The following NAALADL2 variants were observed in gnomAD, a reference collection of about 807,000 sequenced individuals.
NAALADL2 encodes the protein inactive N-acetylated-alpha-linked acidic dipeptidase-like protein 2.
In NAALADL2, 76 loss-of-function variants were observed where a neutral mutation model predicts 87.2. That is an observed-to-expected ratio of 0.87 (90% CI 0.72 to 1.05). The LOEUF (loss-of-function observed/expected upper bound fraction) is 1.05, where lower values mean the gene tolerates loss of function less well. NAALADL2 is among the 50% of genes least tolerant of loss of function. The probability of loss-of-function intolerance (pLI) is 0.00; values close to 1 mark genes in which losing one functional copy is unlikely to be tolerated. For synonymous variants in NAALADL2, 354 were observed against 331.0 expected (o/e 1.07, Z -0.75); for missense variants, 1,089 against 945.8 (o/e 1.15, Z -1.99).
chr3:174,582,449 A>G (rs1166275867), intron 2 of NAALADL2, among the ~76,000 whole-genome samples: 1 of 152,238 alleles, frequency 6.6e-6, no homozygotes, highest in African/African-American at 2.4e-5. Context: ...ACTGCATTTA[A>G]TAGTTTGAAT....
At chr3:174,865,054 A>C (rs1311043325) in intron 1 of NAALADL2, among the ~76,000 whole-genome samples, 1 of 152,008 alleles carries the variant, frequency 6.6e-6, no homozygotes, top group African/African-American at 2.4e-5. Context: ...CTGGTGACAG[A>C]TATGTTTAAC....
chr3:174,830,842 C>A (rs1226414689), intron 3 of NAALADL2, among the ~76,000 whole-genome samples: 1 of 151,910 alleles, frequency 6.6e-6, no homozygotes, highest in South Asian at 2.1e-4. Flanking sequence ...AAGTTGGACT[C>A]CTAGGTATTT....
At chr3:175,664,960 C>A (rs1300250029) in intron 11 of NAALADL2, among the ~76,000 whole-genome samples, 1 of 151,980 alleles carries the variant, frequency 6.6e-6, no homozygotes, top group African/African-American at 2.4e-5. Context: ...TTTGATGGTC[C>A]CTTAACTTGT....
chr3:174,520,224 C>A (rs1310909633), intron 1 of NAALADL2, among the ~76,000 whole-genome samples: 1 of 152,044 alleles, frequency 6.6e-6, no homozygotes, highest in Non-Finnish European at 1.5e-5. Context: ...TCCTAAAGTT[C>A]GTATGGAATC....
intron 2 of NAALADL2, among the ~76,000 whole-genome samples, chr3:174,641,851 G>A (rs955532315): frequency 2.6e-5 from 4 of 152,236 alleles, no homozygotes; most frequent in Non-Finnish European, 5.9e-5. Context: ...CAACCTCCCG[G>A]GCTCAAGTGA....
chr3:175,338,660 C>A (rs56069890), intron 5 of NAALADL2, among the ~76,000 whole-genome samples: 1,408 of 102,000 alleles, frequency 0.014, 9 homozygotes, highest in African/African-American at 0.016. Context: ...CACACACACA[C>A]ACAAACAAAC....
intron 10 of NAALADL2, among the ~76,000 whole-genome samples, chr3:175,625,222 A>G (rs746567600): frequency 4.6e-5 from 7 of 152,024 alleles, no homozygotes; most frequent in Non-Finnish European, 1.0e-4. Flanking sequence ...TTACAGTTCT[A>G]TTTAAACTCC....
chr3:175,388,536 C>T (rs1314071462), intron 5 of NAALADL2, among the ~76,000 whole-genome samples: 1 of 151,996 alleles, frequency 6.6e-6, no homozygotes, highest in Admixed American at 6.6e-5. Flanking sequence ...AAAACACAAC[C>T]ATCTAAATAA....
At chr3:174,524,526 T>TTC (rs1720550918) in intron 1 of NAALADL2, among the ~76,000 whole-genome samples, 1 of 152,132 alleles carries the variant, frequency 6.6e-6, no homozygotes, top group Admixed American at 6.5e-5. Context: ...AGGGACCACA[T>TTC]ATATTTAGGT....
chr3:174,682,652 T>C (rs1456728283), intron 2 of NAALADL2, among the ~76,000 whole-genome samples: 1 of 152,194 alleles, frequency 6.6e-6, no homozygotes, highest in Non-Finnish European at 1.5e-5. Flanking sequence ...ACCAAGGTGG[T>C]ACTATAAGTC....
chr3:175,546,919 T>C (rs1355312175), intron 9 of NAALADL2, among the ~76,000 whole-genome samples: 1 of 151,934 alleles, frequency 6.6e-6, no homozygotes, highest in Non-Finnish European at 1.5e-5. Context: ...AAATCAAAGA[T>C]GACAGAAACA....
chr3:175,106,378 ATACTGGC>A (rs1234234530), intron 2 of NAALADL2, among the ~76,000 whole-genome samples: 2 of 152,048 alleles, frequency 1.3e-5, no homozygotes, highest in African/African-American at 4.8e-5. Context: ...ATCATCTGTG[ATACTGGC>A]TGCCTATTCT....
At chr3:174,729,631 A>C (rs190892770) in intron 2 of NAALADL2, among the ~76,000 whole-genome samples, 5 of 152,176 alleles carry the variant, frequency 3.3e-5, no homozygotes, top group African/African-American at 9.6e-5. Context: ...CTAACTATGC[A>C]AATTTTACAA....
intron 3 of NAALADL2, among the ~76,000 whole-genome samples, chr3:174,786,375 C>T (rs539304432): frequency 1.7e-4 from 25 of 149,086 alleles, no homozygotes; most frequent in African/African-American, 6.2e-4. Flanking sequence ...TGCTTGAACC[C>T]AGGAGGTGGA....
chr3:175,607,338 ATAG>A (rs1158161416), intron 10 of NAALADL2, among the ~76,000 whole-genome samples: 1 of 152,138 alleles, frequency 6.6e-6, no homozygotes, highest in Non-Finnish European at 1.5e-5. Context: ...TACATGAATG[ATAG>A]TAGTATGTGT....
At chr3:174,507,989 G>C (rs1291881546) in intron 1 of NAALADL2, among the ~76,000 whole-genome samples, 1 of 151,720 alleles carries the variant, frequency 6.6e-6, no homozygotes, top group African/African-American at 2.4e-5. Flanking sequence ...CTGCCAACTT[G>C]TTTTATAAAT....
intron 1 of NAALADL2, among the ~76,000 whole-genome samples, chr3:175,054,809 T>A (rs1384746096): frequency 1.3e-5 from 2 of 152,158 alleles, no homozygotes; most frequent in Non-Finnish European, 2.9e-5. Context: ...ATGCATCATA[T>A]GTTGACTTTG....
intron 5 of NAALADL2, among the ~76,000 whole-genome samples, chr3:175,360,874 T>A: frequency 6.6e-6 from 1 of 150,614 alleles, no homozygotes; most frequent in South Asian, 2.1e-4. Flanking sequence ...TTTTTTTTAA[T>A]TTTTTTTATT....
Position 174,606,558 on chromosome 3 carries a change from G to T in NAALADL2, c.-115+55921G>T, listed in dbSNP as rs554137288. Among the ~76,000 whole-genome samples, 4 of 152,320 alleles carry T rather than the reference G, an allele frequency of 2.6e-5. No individual in the cohort carries two copies. In the East Asian group the frequency reaches 7.7e-4, roughly 29 times the overall value. ...CAGGAGTCGATGTGATCAACTGGAA[G>T]AAAGGGTATCAGCAATGGAAGATGA... On this transcript the variant is annotated intron_variant, in intron 2 of 3. Coordinates refer to the NAALADL2 transcript ENST00000434257.
Sources: allele counts gnomAD v4.1 joint callset (sites outside exome capture counted in the v4.1 genomes callset), GRCh38; gene constraint gnomAD v4.1.1; transcripts MANE v1.5; gene names NCBI Gene and HGNC (gene_info 2026-07-23, HGNC 2026-07-21).